TBCD: variants seen among roughly 807,000 people sequenced by gnomAD.
TBCD encodes the protein tubulin-specific chaperone D.
TBCD carries 105 observed loss-of-function variants against 169.3 expected under a neutral mutation model. The observed-to-expected ratio is 0.62, with a 90% confidence interval of 0.53 to 0.73. TBCD has a LOEUF of 0.73. TBCD is among the 30% of genes least tolerant of loss of function. TBCD has a pLI of 0.00. For missense variants in TBCD, 1,444 were observed against 1,600.1 expected, an observed-to-expected ratio of 0.90 and a Z score of 1.66; for synonymous variants, 700 against 643.9, an observed-to-expected ratio of 1.09 and a Z score of -1.32.
intron 1 of TBCD, among the ~76,000 whole-genome samples, chr17:82,753,714 A>T (rs888788157): frequency 1.3e-5 from 2 of 151,254 alleles, no homozygotes; most frequent in Non-Finnish European, 2.9e-5. Context: ...CAGCCTCCCA[A>T]AGTGTTGAGA....
At chr17:82,825,913 C>T (rs2052802492) in intron 13 of TBCD, among the ~76,000 whole-genome samples, 1 of 152,206 alleles carries the variant, frequency 6.6e-6, no homozygotes, top group African/African-American at 2.4e-5. Context: ...CTGCAGTGAG[C>T]TGTGATCGCG....
At chr17:82,855,235 CTTTTTTTTTTTTTTTTTTTTTTTTT>C (rs58346723) in intron 13 of TBCD, among the ~76,000 whole-genome samples, 1 of 54,032 alleles carries the variant, frequency 1.9e-5, no homozygotes, top group Admixed American at 3.4e-4. Context: ...AAGGTGTTTG[CTTTTTTTTTTTTTTTTTTTTTTTTT>C]TTTTTTTTTT....
At position 82,922,360 on chromosome 17, in the gene TBCD, TCAAAAA is replaced by T. The variant is rs36201910; in HGVS notation, c.2178+808_2178+813del. On this transcript the variant is annotated intron_variant, in intron 25 of 38. Coordinates refer to ENST00000355528, the MANE Select transcript of TBCD (RefSeq NM_005993.5). This position sits in a 1 kb window ranked among gnomAD's most constrained non-coding sequence, Gnocchi z 4.1. ...TGGGTGACAAGAGCAAGACCCTGCC[TCAAAAA>T]CAAAAACAAAAACAAAAACAAAAAA... 0.015 allele frequency among the ~76,000 whole-genome samples: 2,344 copies of T among 151,508 alleles called. 53 individuals carry two copies. Among genetic ancestry groups the T allele is most frequent in the African/African-American group, 0.047 (1,926 of 41,164 alleles).
intron 13 of TBCD, among the ~76,000 whole-genome samples, chr17:82,824,786 G>A (rs374041893): frequency 6.6e-6 from 1 of 152,022 alleles, no homozygotes; most frequent in South Asian, 2.1e-4. Flanking sequence ...AGTTCCTTTG[G>A]GTATATACCC....
At chr17:82,783,328 C>T (rs866661625) in intron 7 of TBCD, among the ~76,000 whole-genome samples, 1 of 152,214 alleles carries the variant, frequency 6.6e-6, no homozygotes, top group Non-Finnish European at 1.5e-5. Flanking sequence ...GTCCCCTCAA[C>T]CTCCACATAA....
chr17:82,890,846 C>A lies in TBCD; in HGVS notation c.1563+1149C>A, dbSNP rs1301705932. 6.6e-6 allele frequency among the ~76,000 whole-genome samples: 1 copy of A among 152,116 alleles called. No homozygotes were observed. The highest frequency in any genetic ancestry group is 1.5e-5 in the Non-Finnish European group (1 of 68,018). ...TGCAGACAGCAAGAGCCGCCCAGGC[C>A]AAGGAGAATGTGAACGAGGTTTGGT... is the stretch of plus-strand genomic sequence containing the variant. On this transcript the variant is annotated intron_variant, in intron 16 of 38. Transcript: ENST00000355528. This position sits in a 1 kb window ranked among gnomAD's most constrained non-coding sequence, Gnocchi z 5.3.
chr17:82,757,884 G>A (rs1303510316), intron 2 of TBCD, among the ~76,000 whole-genome samples: 1 of 152,088 alleles, frequency 6.6e-6, no homozygotes, highest in Non-Finnish European at 1.5e-5. Flanking sequence ...TCCTGTGTGT[G>A]AGCGCTGGTT....
chr17:82,793,496 G>C (rs1346124462), intron 7 of TBCD, among the ~76,000 whole-genome samples: 1 of 152,220 alleles, frequency 6.6e-6, no homozygotes, highest in African/African-American at 2.4e-5. Context: ...GTAGTGGTGT[G>C]GTGGGAAGGT....
chr17:82,895,126 AT>A (rs1021878317), intron 17 of TBCD, among the ~76,000 whole-genome samples: 1 of 152,246 alleles, frequency 6.6e-6, no homozygotes, highest in Non-Finnish European at 1.5e-5. Flanking sequence ...TTATAAAAAC[AT>A]TTGCCAACCC....
At position 82,848,157 on chromosome 17, in the gene TBCD, C is replaced by T. The variant is rs544719225; in HGVS notation, c.1319-22067C>T. On this transcript the variant is annotated intron_variant, in intron 13 of 38. Transcript: ENST00000355528. ...GCCTGTGGGTAGCCTTTGTACTGGG[C>T]GCACAGTCCCCGGCTCCTCCCTTCC... 5.9e-5 allele frequency among the ~76,000 whole-genome samples: 9 copies of T among 152,252 alleles called. No individual in the cohort carries two copies. The South Asian group carries it at 6.2e-4, about 11-fold the overall frequency.
chr17:82,897,035 G>T (rs933680405), intron 17 of TBCD, among the ~76,000 whole-genome samples: 2 of 152,228 alleles, frequency 1.3e-5, no homozygotes, highest in Middle Eastern at 6.8e-3. Flanking sequence ...TTTCAGGGGC[G>T]TGTTTAACAC....
At chr17:82,814,978 G>A (rs769969159) in intron 13 of TBCD, 44 bp downstream of exon 13, 73 of 1,592,606 alleles carry the variant, frequency 4.6e-5, no homozygotes, top group Middle Eastern at 1.7e-4. Context: ...TGGCGCTGGC[G>A]GAGCTGGGCA....
At chr17:82,777,183 C>G (rs1598439926) in intron 6 of TBCD, among the ~76,000 whole-genome samples, 1 of 152,054 alleles carries the variant, frequency 6.6e-6, no homozygotes, top group Admixed American at 6.6e-5. Context: ...TTATATTTTT[C>G]TCTACCGTTT....
intron 18 of TBCD, 30 bp downstream of exon 18, chr17:82,900,761 G>A (rs1330295435): frequency 2.0e-5 from 31 of 1,549,780 alleles, no homozygotes; most frequent in Non-Finnish European, 2.6e-5. Flanking sequence ...TTTTCTAAGA[G>A]CTTTTTTTCC....
At chr17:82,780,807 G>C (rs2048898885) in intron 6 of TBCD, among the ~76,000 whole-genome samples, 1 of 151,834 alleles carries the variant, frequency 6.6e-6, no homozygotes, top group African/African-American at 2.4e-5. Context: ...ACCACACCCG[G>C]CTAATTTTTT....
At position 82,926,449 on chromosome 17, in the gene TBCD, G is replaced by C. The variant is rs752473581; in HGVS notation, c.2429G>C (p.Ser810Thr). 19 of 1,613,926 alleles carry C rather than the reference G, an allele frequency of 1.2e-5. No individual in the cohort carries two copies. In the Admixed American group the frequency reaches 2.8e-4, roughly 24 times the overall value. The change falls in exon 28 of 39, where the codon AGT becomes ACT. Residue 810 changes from serine (S) to threonine (T), a missense_variant. Transcript: ENST00000355528. ...ACCCACACTTCCCCCGAGGACGTAA[G>C]TTTTGCTGAGTCCAGGAGAGACGGC... ...AVTHTSPEDV[S>T]FAESRRDGLK...
At chr17:82,840,451 A>G (rs1248895173) in intron 13 of TBCD, 2 of 152,288 alleles carry the variant, frequency 1.3e-5, no homozygotes, top group Non-Finnish European at 2.9e-5. Context: ...CACAGTATTC[A>G]TGGCGTCCTT....
intron 13 of TBCD, among the ~76,000 whole-genome samples, chr17:82,848,766 C>T (rs1362734539): frequency 6.6e-6 from 1 of 152,210 alleles, no homozygotes; most frequent in Non-Finnish European, 1.5e-5. Flanking sequence ...CCCTTCTCAT[C>T]CTCTCTCCTG....
chr17:82,790,780 C>G (rs75303076), intron 7 of TBCD, among the ~76,000 whole-genome samples: 1,851 of 152,288 alleles, frequency 0.012, 36 homozygotes, highest in African/African-American at 0.041. Flanking sequence ...CAGTGGATAA[C>G]CACATCCACT....
Sources: gnomAD v4.1 joint callset for allele counts (sites outside exome capture counted in the v4.1 genomes callset) on GRCh38, gnomAD v4.1.1 for gene constraint, Gnocchi (gnomAD v3.1) non-coding constraint, MANE v1.5 for transcripts, NCBI Gene and HGNC (gene_info 2026-07-23, HGNC 2026-07-21) for gene names.